The following SEC14L2 variants were observed in gnomAD, a reference collection of about 807,000 sequenced individuals.
SEC14L2 encodes the protein SEC14-like protein 2.
SEC14L2 carries 50 observed loss-of-function variants against 56.9 expected under a neutral mutation model. That is an observed-to-expected ratio of 0.88 (90% confidence interval 0.70 to 1.11). The LOEUF (loss-of-function observed/expected upper bound fraction) is 1.11. Ranked by LOEUF, SEC14L2 falls within the 50% of genes most tolerant of loss-of-function variation. SEC14L2 has a pLI of 0.00. For missense variants in SEC14L2, 414 were observed against 500.7 expected (o/e 0.83, Z 1.65); for synonymous variants, 179 against 188.5 (o/e 0.95, Z 0.41).
chr22:30,407,157 G>T lies in SEC14L2; in HGVS notation c.234+3G>T. 6.2e-7 allele frequency: 1 copy of T among 1,613,948 alleles called. No homozygotes were observed. The highest frequency in any genetic ancestry group is 8.5e-7 in the Non-Finnish European group (1 of 1,179,964). ...TCATTAGCTGGCAGCCTCCAGAGGT[G>T]AGCACAAATTATCCCACCTCATCCC... On this transcript the variant is annotated splice_donor_region_variant and intron_variant, in intron 4 of 11. Transcript: ENST00000615189.
chr22:30,398,924 A>G (rs1661609548), intron 1 of SEC14L2: 1 of 416,836 alleles, frequency 2.4e-6, no homozygotes, highest in South Asian at 1.8e-5. Flanking sequence ...CAATACTTCT[A>G]CGGGTTGTGA....
chr22:30,404,551 A>G (rs1340402238), intron 2 of SEC14L2, among the ~76,000 whole-genome samples: 7 of 152,160 alleles, frequency 4.6e-5, no homozygotes, highest in African/African-American at 1.7e-4. Flanking sequence ...ACTGGGAGGG[A>G]CAGTTCATAG....
rs1601794296 is a variant in SEC14L2, at chr22:30,425,073, G to T, written c.*2666G>T. ...ACTCCTCTAGCCTCATTTAGAGCTC[G>T]CATTAAGAGCACGGGATCTGGATCC... is the stretch of plus-strand genomic sequence containing the variant. On this transcript the variant is annotated 3_prime_UTR_variant, in exon 12 of 12. Coordinates refer to ENST00000615189, the MANE Select transcript of SEC14L2 (RefSeq NM_012429.5). 1 of 258,576 alleles carries T rather than the reference G, an allele frequency of 3.9e-6. No homozygotes were observed. The highest frequency in any genetic ancestry group is 7.9e-6 in the Non-Finnish European group (1 of 127,264). 16.0% of individuals were successfully genotyped at this position (258,576 alleles called of 1,614,324 possible).
intron 2 of SEC14L2, among the ~76,000 whole-genome samples, chr22:30,406,016 C>T (rs922041041): frequency 1.3e-5 from 2 of 151,964 alleles, no homozygotes; most frequent in East Asian, 1.9e-4. Flanking sequence ...TAAGAGGATC[C>T]GGGGTTCATT....
chr22:30,416,142 G>A, intron 10 of SEC14L2, 55 bp downstream of exon 10: 1 of 1,610,896 alleles, frequency 6.2e-7, no homozygotes, highest in Non-Finnish European at 8.5e-7. Flanking sequence ...GGTCCTGATA[G>A]GTGGGCTGGA....
At chr22:30,398,597 T>G (rs1933826536) in intron 1 of SEC14L2, 1 of 432,196 alleles carries the variant, frequency 2.3e-6, no homozygotes, top group Non-Finnish European at 4.9e-6. Context: ...CTTTCCCGCT[T>G]CCTGGCTTCC....
intron 4 of SEC14L2, 115 bp from the exon 5 acceptor site, chr22:30,407,300 G>C (rs2074651): frequency 0.3 from 435,052 of 1,441,536 alleles, 67,049 homozygotes; most frequent in East Asian, 0.38. Flanking sequence ...GGCATCTGTT[G>C]GTACCCAGGA....
At chr22:30,405,870 G>GT (rs554889953) in intron 2 of SEC14L2, among the ~76,000 whole-genome samples, 215 of 151,924 alleles carry the variant, frequency 1.4e-3, no homozygotes, top group Middle Eastern at 3.4e-3. Flanking sequence ...GTTTTGTTTT[G>GT]TTTTTTTGGA....
intron 5 of SEC14L2, among the ~76,000 whole-genome samples, chr22:30,408,517 C>T (rs1484718172): frequency 6.6e-6 from 1 of 151,298 alleles, no homozygotes; most frequent in African/African-American, 2.4e-5. Flanking sequence ...CTTGGGAAGT[C>T]GAGGCTGCAG....
At chr22:30,399,079 G>A (rs566990591) in intron 1 of SEC14L2, among the ~76,000 whole-genome samples, 1 of 152,286 alleles carries the variant, frequency 6.6e-6, no homozygotes, top group African/African-American at 2.4e-5. Flanking sequence ...GCAGACTGGT[G>A]TGTGGGAGCC....
At chr22:30,398,009 G>C in intron 1 of SEC14L2, 1 of 394,206 alleles carries the variant, frequency 2.5e-6, no homozygotes, top group Non-Finnish European at 5.1e-6. Flanking sequence ...GGCAAGAGCC[G>C]ATAGGGTCTG....
intron 7 of SEC14L2, 55 bp downstream of exon 7, chr22:30,409,541 T>A: frequency 6.6e-7 from 1 of 1,518,382 alleles, no homozygotes; most frequent in Non-Finnish European, 9.1e-7. Flanking sequence ...GTCAAAAACA[T>A]GACTGCGGCA....
At chr22:30,417,674 T>C (rs1569211856) in intron 11 of SEC14L2, among the ~76,000 whole-genome samples, 1 of 152,190 alleles carries the variant, frequency 6.6e-6, no homozygotes, top group Non-Finnish European at 1.5e-5. Context: ...ACCACTATTA[T>C]TGTTAGGACA....
chr22:30,407,231 T>A, intron 4 of SEC14L2, 77 bp downstream of exon 4: 1 of 1,548,020 alleles, frequency 6.5e-7, no homozygotes, highest in African/African-American at 1.4e-5. Context: ...TCCACTGGAT[T>A]TGGATCCTTA....
chr22:30,397,736 G>T, intron 1 of SEC14L2: 1 of 408,294 alleles, frequency 2.4e-6, no homozygotes. Flanking sequence ...ACACCTCCGT[G>T]TGTGAATTCC....
chr22:30,397,312 C>T, intron 1 of SEC14L2, 142 bp downstream of exon 1: 2 of 762,094 alleles, frequency 2.6e-6, no homozygotes, highest in Non-Finnish European at 3.9e-6. Flanking sequence ...CCCAGCCTGG[C>T]CCGCGCCCGC....
chr22:30,417,777 A>G (rs1378962675), intron 11 of SEC14L2, among the ~76,000 whole-genome samples: 2 of 152,062 alleles, frequency 1.3e-5, no homozygotes, highest in African/African-American at 2.4e-5. Context: ...CACTACCAGG[A>G]GATCTGAACT....
rs372493245 is a variant in SEC14L2, at chr22:30,422,458, C to G, written c.*51C>G. 1 of 1,609,540 alleles carries G rather than the reference C, an allele frequency of 6.2e-7. No individual in the cohort carries two copies. The highest frequency in any genetic ancestry group is 8.5e-7 in the Non-Finnish European group (1 of 1,177,888). On this transcript the variant is annotated 3_prime_UTR_variant, in exon 12 of 12. Coordinates refer to ENST00000615189, the MANE Select transcript of SEC14L2 (RefSeq NM_012429.5). ...CCCCTCAGTGTCTCCCTGTCAATTT[C>G]TACCCCTTGTAGCAGTCATTTTCGC...
intron 11 of SEC14L2, among the ~76,000 whole-genome samples, chr22:30,418,049 G>A (rs947700505): frequency 2.6e-5 from 4 of 152,102 alleles, no homozygotes; most frequent in African/African-American, 9.7e-5. Flanking sequence ...AGAGGAGAAA[G>A]CACTTAATAC....
Sources: allele counts gnomAD v4.1 joint callset (sites outside exome capture counted in the v4.1 genomes callset), GRCh38; gene constraint gnomAD v4.1.1; transcripts MANE v1.5; gene names NCBI Gene and HGNC (gene_info 2026-07-23, HGNC 2026-07-21).